The following SULF1 variants were observed in gnomAD, a reference collection of about 807,000 sequenced individuals.
SULF1 encodes the protein sulfatase 1.
Under a neutral mutation model 110.5 loss-of-function variants are expected in SULF1, and 46 were observed. The ratio of observed to expected loss-of-function variants is 0.42; its 90% CI spans 0.33 to 0.53. SULF1 has a LOEUF of 0.53. SULF1 is among the 20% of genes least tolerant of loss of function. The pLI is 0.12. For synonymous variants in SULF1, 371 were observed against 387.1 expected (o/e 0.96, Z 0.49); for missense variants, 941 against 1,094.2 (o/e 0.86, Z 1.98).
At chr8:69,596,222 G>A (rs545355344) in intron 8 of SULF1, among the ~76,000 whole-genome samples, 1 of 152,294 alleles carries the variant, frequency 6.6e-6, no homozygotes, top group East Asian at 1.9e-4. Flanking sequence ...GGGGTATAAG[G>A]TCTGGAGTGT....
At position 69,621,132 on chromosome 8, in the gene SULF1, T is replaced by C. The variant is rs771572755; in HGVS notation, c.1475T>C (p.Leu492Pro). 1.2e-6 allele frequency: 2 copies of C among 1,614,150 alleles called. No individual in the cohort carries two copies. The highest frequency in any genetic ancestry group is 1.7e-6 in the Non-Finnish European group (2 of 1,180,006). Residue 492 changes from leucine (L) to proline (P), a missense_variant, in exon 14 of 23, where the codon CTC (leucine) becomes CCC (proline). This residue lies in a region of SULF1 where 822 missense variants were observed against 934.3 expected (regional missense o/e 0.88). Coordinates refer to ENST00000402687, the MANE Select transcript of SULF1 (RefSeq NM_001128205.2). ...ACAGTCCGGCAGAGCACGCGGAACC[T>C]CTACGCTCGCGGCTTCCATGACAAA... Reference protein sequence around the residue: ...LLTVRQSTRNLYARGFHDKDK... With the variant: ...LLTVRQSTRNPYARGFHDKDK...
In SULF1 at chr8:69,624,184, C is replaced by G. The variant is rs370193108; in HGVS notation, c.1837C>G (p.Arg613Gly). Reference sequence around the variant, plus strand: ...CGCCGTGGGCCCACCTACCACTGTCCGAGTGACACACAAGTAAGAAAGCTT... The same window carrying G: ...CGCCGTGGGCCCACCTACCACTGTCGGAGTGACACACAAGTAAGAAAGCTT... ...SNAVGPPTTV[R>G]VTHKCFILPN... is the part of the protein sequence containing the mutation. The change falls in exon 15 of 23, where the codon CGA (arginine) becomes GGA (glycine). Residue 613 changes from arginine (R) to glycine (G), a missense_variant. By Grantham distance (125) the Arg-to-Gly change is moderately radical. Coordinates refer to ENST00000402687, the MANE Select transcript of SULF1 (RefSeq NM_001128205.2). 2.5e-6 allele frequency: 4 copies of G among 1,583,584 alleles called. No homozygotes were observed. Among genetic ancestry groups the G allele is most frequent in the Non-Finnish European group, 3.4e-6 (4 of 1,163,798 alleles).
chr8:69,550,751 G>A (rs1350016351), intron 3 of SULF1, among the ~76,000 whole-genome samples: 1 of 152,188 alleles, frequency 6.6e-6, no homozygotes, highest in Non-Finnish European at 1.5e-5. Flanking sequence ...CAGACCACGT[G>A]TCCCAATTTG....
intron 13 of SULF1, among the ~76,000 whole-genome samples, chr8:69,615,580 A>G (rs1174216098): frequency 6.6e-6 from 1 of 151,892 alleles, no homozygotes; most frequent in African/African-American, 2.4e-5. Flanking sequence ...AGATATATGT[A>G]TATATGTAGT....
intron 8 of SULF1, among the ~76,000 whole-genome samples, chr8:69,595,393 ACT>A (rs1460842641): frequency 4.6e-5 from 7 of 152,172 alleles, no homozygotes; most frequent in African/African-American, 1.4e-4. Context: ...TCATTAAAAG[ACT>A]CTGAATTATT....
intron 21 of SULF1, among the ~76,000 whole-genome samples, chr8:69,639,314 C>T (rs1055091930): frequency 5.3e-5 from 8 of 152,154 alleles, no homozygotes; most frequent in African/African-American, 1.9e-4. Flanking sequence ...CTGCCTATGA[C>T]ACTGAATTAG....
chr8:69,600,155 A>G (rs1055743790), intron 8 of SULF1, among the ~76,000 whole-genome samples: 2 of 152,218 alleles, frequency 1.3e-5, no homozygotes, highest in African/African-American at 4.8e-5. Context: ...AATGTGTTGA[A>G]ATGATGATTC....
chr8:69,483,857 TTACTTACTAATGTTATA>T (rs1809599834), intron 1 of SULF1, among the ~76,000 whole-genome samples: 1 of 152,222 alleles, frequency 6.6e-6, no homozygotes, highest in African/African-American at 2.4e-5. Context: ...GATGTCTGTT[TTACTTACTAATGTTATA>T]TGTAACAATA....
At chr8:69,475,415 T>TA (rs11376714) in intron 1 of SULF1, among the ~76,000 whole-genome samples, 52,528 of 149,852 alleles carry the variant, frequency 0.35, 10,100 homozygotes, top group African/African-American at 0.53. Context: ...TCAAATAAAT[T>TA]AAAAAAAAAA....
At chr8:69,515,701 G>T (rs1811880238) in intron 3 of SULF1, among the ~76,000 whole-genome samples, 1 of 152,108 alleles carries the variant, frequency 6.6e-6, no homozygotes, top group African/African-American at 2.4e-5. Context: ...TCTAGTTTTG[G>T]GTTATTTCTT....
At chr8:69,531,547 A>T (rs1452777114) in intron 3 of SULF1, among the ~76,000 whole-genome samples, 1 of 152,194 alleles carries the variant, frequency 6.6e-6, no homozygotes, top group Admixed American at 6.5e-5. Context: ...ATTTCCCTCC[A>T]AACATGTATA....
At chr8:69,539,664 C>T (rs115449256) in intron 3 of SULF1, among the ~76,000 whole-genome samples, 3,037 of 46,704 alleles carry the variant, frequency 0.065, 88 homozygotes, top group African/African-American at 0.15. Flanking sequence ...GTCCGATATG[C>T]GCAGGGCATT....
intron 3 of SULF1, among the ~76,000 whole-genome samples, chr8:69,545,458 A>G (rs2095890815): frequency 6.6e-6 from 1 of 152,196 alleles, no homozygotes; most frequent in South Asian, 2.1e-4. Context: ...TCTCTCAAGT[A>G]AGGAAAATTC....
chr8:69,648,173 T>G (rs892544392), intron 22 of SULF1, among the ~76,000 whole-genome samples: 1 of 148,706 alleles, frequency 6.7e-6, no homozygotes, highest in African/African-American at 2.5e-5. Flanking sequence ...CAGCAAAACA[T>G]GGAAGGGCTT....
At chr8:69,477,579 C>T (rs1586192782) in intron 1 of SULF1, among the ~76,000 whole-genome samples, 2 of 152,142 alleles carry the variant, frequency 1.3e-5, no homozygotes, top group East Asian at 3.8e-4. Flanking sequence ...TAATTAAGCA[C>T]ACTATTAGCA....
chr8:69,499,643 G>A (rs960649874), intron 2 of SULF1, among the ~76,000 whole-genome samples: 1 of 152,174 alleles, frequency 6.6e-6, no homozygotes, highest in Non-Finnish European at 1.5e-5. Context: ...ACAGCAGGAA[G>A]TATTTGACTC....
At chr8:69,650,751 G>A (rs1812275859) in intron 22 of SULF1, among the ~76,000 whole-genome samples, 1 of 152,136 alleles carries the variant, frequency 6.6e-6, no homozygotes, top group African/African-American at 2.4e-5. Flanking sequence ...ATTGGCCACT[G>A]GTGTCCCTGC....
chr8:69,542,289 T>C (rs1228981084), intron 3 of SULF1, among the ~76,000 whole-genome samples: 1 of 152,208 alleles, frequency 6.6e-6, no homozygotes, highest in Non-Finnish European at 1.5e-5. Context: ...AAGACATTTC[T>C]TCACAACATA....
intron 3 of SULF1, among the ~76,000 whole-genome samples, chr8:69,541,227 A>C (rs889706966): frequency 2.0e-5 from 3 of 152,220 alleles, no homozygotes; most frequent in Non-Finnish European, 2.9e-5. Flanking sequence ...ACACAGAAAT[A>C]TGAGGTTAAA....
Sources: gnomAD v4.1 joint callset for allele counts (sites outside exome capture counted in the v4.1 genomes callset) on GRCh38, gnomAD v4.1.1 for gene constraint, gnomAD v4.1.1 regional missense constraint, MANE v1.5 for transcripts, NCBI Gene and HGNC (gene_info 2026-07-23, HGNC 2026-07-21) for gene names.